The following NALF1 variants were observed in gnomAD, a reference collection of about 807,000 sequenced individuals.
NALF1 encodes the protein family with sequence similarity 155 member A.
Under a neutral mutation model 48.4 loss-of-function variants are expected in NALF1, and 3 were observed. The ratio of observed to expected loss-of-function variants is 0.06; its 90% CI spans 0.03 to 0.16. The LOEUF (loss-of-function observed/expected upper bound fraction) is 0.16. Among genes scored for constraint, NALF1 ranks in the 10% least tolerant of loss-of-function variants. NALF1 has a pLI of 1.00. For synonymous variants in NALF1, 262 were observed against 245.7 expected, an observed-to-expected ratio of 1.07 and a Z score of -0.62; for missense variants, 526 against 571.5, an observed-to-expected ratio of 0.92 and a Z score of 0.81.
intron 1 of NALF1, among the ~76,000 whole-genome samples, chr13:107,554,301 C>T (rs916597195): frequency 2.6e-5 from 4 of 152,144 alleles, no homozygotes; most frequent in Non-Finnish European, 5.9e-5. Flanking sequence ...CCTTCTGTCC[C>T]GTTCCACAGT....
At chr13:107,660,479 ACAC>A (rs1880705842) in intron 1 of NALF1, among the ~76,000 whole-genome samples, 1 of 84,094 alleles carries the variant, frequency 1.2e-5, no homozygotes. Flanking sequence ...ACACACACAC[ACAC>A]ACAACAAAGA....
intron 1 of NALF1, among the ~76,000 whole-genome samples, chr13:107,418,840 C>CT (rs1884137923): frequency 6.6e-6 from 1 of 152,162 alleles, no homozygotes; most frequent in African/African-American, 2.4e-5. Flanking sequence ...ACACAAATCA[C>CT]TTACACGTAC....
At chr13:107,537,466 C>G (rs868138505) in intron 1 of NALF1, among the ~76,000 whole-genome samples, 5 of 152,180 alleles carry the variant, frequency 3.3e-5, no homozygotes, top group South Asian at 2.1e-4. Context: ...CACTTGATTT[C>G]TATAGTAACA....
At chr13:107,755,351 AT>A (rs1307891620) in intron 1 of NALF1, among the ~76,000 whole-genome samples, 2 of 151,836 alleles carry the variant, frequency 1.3e-5, no homozygotes, top group Non-Finnish European at 1.5e-5. Flanking sequence ...AGGCCTCTTA[AT>A]TTTTGGTGTC....
intron 1 of NALF1, among the ~76,000 whole-genome samples, chr13:107,595,857 C>T (rs1594149558): frequency 6.6e-6 from 1 of 152,098 alleles, no homozygotes; most frequent in Non-Finnish European, 1.5e-5. Flanking sequence ...CTCTCTAACA[C>T]CATTTTCTGA....
intron 1 of NALF1, among the ~76,000 whole-genome samples, chr13:107,388,087 T>C (rs181570786): frequency 1.4e-3 from 220 of 152,330 alleles, no homozygotes; most frequent in Middle Eastern, 6.8e-3. Flanking sequence ...AAGTGGCTTT[T>C]AGCAATAAAC....
intron 2 of NALF1, among the ~76,000 whole-genome samples, chr13:107,197,267 T>C (rs1005581944): frequency 9.2e-5 from 14 of 152,354 alleles, no homozygotes; most frequent in Non-Finnish European, 2.1e-4. Context: ...TATTCTGTCA[T>C]AGCCACATAA....
intron 1 of NALF1, among the ~76,000 whole-genome samples, chr13:107,509,016 T>A (rs1390599806): frequency 1.3e-5 from 2 of 152,170 alleles, no homozygotes; most frequent in Non-Finnish European, 2.9e-5. Flanking sequence ...TTTAACAAAA[T>A]ATATTTTAAC....
At chr13:107,665,335 A>G (rs1880830179) in intron 1 of NALF1, among the ~76,000 whole-genome samples, 1 of 152,178 alleles carries the variant, frequency 6.6e-6, no homozygotes, top group Non-Finnish European at 1.5e-5. Context: ...ATGTCTCTAA[A>G]GGCATTAGAC....
chr13:107,716,766 T>C (rs558102223), intron 1 of NALF1, among the ~76,000 whole-genome samples: 18 of 152,278 alleles, frequency 1.2e-4, no homozygotes, highest in Non-Finnish European at 2.5e-4. Flanking sequence ...GTGTCATAAA[T>C]GTTGAATTTG....
chr13:107,692,700 T>C (rs556078140), intron 1 of NALF1, among the ~76,000 whole-genome samples: 9 of 152,250 alleles, frequency 5.9e-5, no homozygotes, highest in African/African-American at 1.9e-4. Flanking sequence ...CTCACAAACC[T>C]GGAAAAAGAA....
chr13:107,218,621 A>AAAAC (rs1388137442), intron 1 of NALF1, among the ~76,000 whole-genome samples: 1 of 149,254 alleles, frequency 6.7e-6, no homozygotes, highest in Admixed American at 6.7e-5. Context: ...AAAAACAAAC[A>AAAAC]AAACAAACAA....
chr13:107,752,208 G>A (rs61966052), intron 1 of NALF1, among the ~76,000 whole-genome samples: 12,431 of 151,960 alleles, frequency 0.082, 560 homozygotes, highest in Non-Finnish European at 0.1. Context: ...ACAATAGATT[G>A]CCAATTCATT....
In NALF1 at chr13:107,643,085, G is replaced by A. The variant is rs548425614; in HGVS notation, c.915+222597C>T. Among the ~76,000 whole-genome samples, 7 of 152,126 alleles carry A rather than the reference G, an allele frequency of 4.6e-5. No homozygotes were observed. The East Asian group carries it at 9.7e-4, about 21-fold the overall frequency. On this transcript the variant is annotated intron_variant, in intron 1 of 2. Coordinates refer to ENST00000375915, the MANE Select transcript of NALF1 (RefSeq NM_001080396.3). ...CATCAGGTTTCGCAGTTCATTCTCC[G>A]TTAGGGGCACCCAGCCAAAGCACAC... is the stretch of plus-strand genomic sequence containing the variant.
chr13:107,845,168 T>C (rs539156411), intron 1 of NALF1, among the ~76,000 whole-genome samples: 1 of 152,316 alleles, frequency 6.6e-6, no homozygotes, highest in South Asian at 2.1e-4. Flanking sequence ...AATTCTTAAT[T>C]TTGGTTGAAT....
At chr13:107,552,312 C>T (rs547151103) in intron 1 of NALF1, among the ~76,000 whole-genome samples, 1 of 152,246 alleles carries the variant, frequency 6.6e-6, no homozygotes, top group South Asian at 2.1e-4. Context: ...AATAGAAATG[C>T]AACATGTGTC....
At chr13:107,201,372 C>T (rs560678642) in intron 2 of NALF1, among the ~76,000 whole-genome samples, 4 of 152,236 alleles carry the variant, frequency 2.6e-5, no homozygotes, top group South Asian at 4.2e-4. Context: ...GTCAGGAGAT[C>T]GAGACCAGCC....
chr13:107,417,863 A>G (rs1461614773), intron 1 of NALF1, among the ~76,000 whole-genome samples: 1 of 152,118 alleles, frequency 6.6e-6, no homozygotes, highest in African/African-American at 2.4e-5. Flanking sequence ...AAGTTCAAGA[A>G]CAGCCTGGCC....
At chr13:107,561,718 T>C (rs1877652379) in intron 1 of NALF1, among the ~76,000 whole-genome samples, 1 of 152,250 alleles carries the variant, frequency 6.6e-6, no homozygotes, top group African/African-American at 2.4e-5. Context: ...GTATGAAAGT[T>C]TCACCAGTCA....
Sources: gnomAD v4.1 joint callset for allele counts (sites outside exome capture counted in the v4.1 genomes callset) on GRCh38, gnomAD v4.1.1 for gene constraint, MANE v1.5 for transcripts, NCBI Gene and HGNC (gene_info 2026-07-23, HGNC 2026-07-21) for gene names.